Variants in ZPBP2 observed in about 807,000 individuals in gnomAD.
ZPBP2 encodes zona pellucida binding protein 2.
In ZPBP2, 34 loss-of-function variants were observed where a neutral mutation model predicts 37.5. That is an observed-to-expected ratio of 0.91 (90% CI 0.69 to 1.21). ZPBP2 has a LOEUF of 1.21. ZPBP2 is among the 50% of genes most tolerant of loss of function. The pLI, the probability that ZPBP2 is intolerant of heterozygous loss-of-function variation, is 0.00. For synonymous variants in ZPBP2, 143 were observed against 138.4 expected, an observed-to-expected ratio of 1.03 and a Z score of -0.23; for missense variants, 397 against 413.5, an observed-to-expected ratio of 0.96 and a Z score of 0.35.
At chr17:39,870,629 G>A (rs1249282138) in intron 2 of ZPBP2, 65 bp from the exon 3 acceptor site, 1 of 956,846 alleles carries the variant, frequency 1.0e-6, no homozygotes, top group Non-Finnish European at 1.4e-6. Context: ...CAAAATGGTA[G>A]GAGTATATTT....
Position 39,868,283 on chromosome 17 carries a change from A to C in ZPBP2, c.-72A>C. 6.5e-7 allele frequency: 1 copy of C among 1,543,502 alleles called. No homozygotes were observed. The highest frequency in any genetic ancestry group is 8.8e-7 in the Non-Finnish European group (1 of 1,134,642). ...GCTCCGCACTGTGGAGGAGGTGGGG[A>C]GGTGTTGGGCCAGGGCTGAGGTAGG... On this transcript the variant is annotated 5_prime_UTR_variant, in exon 1 of 8. Coordinates refer to ENST00000348931, the MANE Select transcript of ZPBP2 (RefSeq NM_199321.3).
Position 39,876,760 on chromosome 17 carries a change from C to G in ZPBP2, c.968C>G (p.Ala323Gly), listed in dbSNP as rs753710348. The G allele has an allele frequency of 6.2e-7, 1 of 1,613,890 alleles. No homozygotes were observed. ...TGCGTTTCCGTCCTTACCTATGGAG[C>G]TAAATCTTGCCCACAAACTTCAAAC... The part of the protein sequence containing the change: ...QTCVSVLTYG[A>G]KSCPQTSNKN... The change falls in exon 8 of 8, where the codon GCT becomes GGT. Residue 323 changes from alanine (A) to glycine (G), a missense_variant. Transcript: ENST00000348931.
chr17:39,872,251 C>G lies in ZPBP2; in HGVS notation c.407-19C>G. The G allele has an allele frequency of 6.4e-7, 1 of 1,554,366 alleles. No homozygotes were observed. Among genetic ancestry groups the G allele is most frequent in the Non-Finnish European group, 8.7e-7 (1 of 1,152,928 alleles). ...TAGGTACGATTGTTTTCACTCTCAT[C>G]TTTCTTTTTTTTTTAAAGCCTATCG... On this transcript the variant is annotated intron_variant, in intron 4 of 7. Transcript: ENST00000348931.
intron 1 of ZPBP2, 30 bp downstream of exon 1, chr17:39,868,436 C>T: frequency 6.2e-7 from 1 of 1,611,608 alleles, no homozygotes; most frequent in Non-Finnish European, 8.5e-7. Flanking sequence ...GTCCCCAGGC[C>T]TCTCCCTCTG....
chr17:39,875,124 C>T, intron 6 of ZPBP2, 130 bp from the exon 7 acceptor site: 1 of 803,502 alleles, frequency 1.2e-6, no homozygotes, highest in Non-Finnish European at 1.9e-6. Context: ...GGTGTTAACA[C>T]ACACCTTTTC....
intron 7 of ZPBP2, 152 bp from the exon 8 acceptor site, chr17:39,876,530 C>G: frequency 1.3e-6 from 1 of 760,716 alleles, no homozygotes; most frequent in Non-Finnish European, 2.0e-6. Context: ...TCTTCCACAA[C>G]TTAAATGGGC....
chr17:39,870,619 C>T, intron 2 of ZPBP2, 75 bp from the exon 3 acceptor site: 7 of 899,000 alleles, frequency 7.8e-6, no homozygotes, highest in South Asian at 3.9e-5. Context: ...GTCTTCAGCA[C>T]AAAATGGTAG....
intron 2 of ZPBP2, 142 bp downstream of exon 2, chr17:39,868,756 C>A: frequency 1.1e-6 from 1 of 914,218 alleles, no homozygotes; most frequent in Non-Finnish European, 1.7e-6. Context: ...TGGCAGTTCA[C>A]GACGGTCGCA....
At chr17:39,868,766 A>C (rs925369649) in intron 2 of ZPBP2, 152 bp downstream of exon 2, 4 of 825,388 alleles carry the variant, frequency 4.8e-6, no homozygotes, top group Non-Finnish European at 7.7e-6. Context: ...CGACGGTCGC[A>C]TTTTTTCATC....
intron 2 of ZPBP2, among the ~76,000 whole-genome samples, chr17:39,868,922 G>A (rs1257496596): frequency 6.6e-6 from 1 of 152,180 alleles, no homozygotes; most frequent in African/African-American, 2.4e-5. Flanking sequence ...ACGCAAAGGA[G>A]TGATTTCCAA....
intron 5 of ZPBP2, 34 bp from the exon 6 acceptor site, chr17:39,873,010 C>A: frequency 6.3e-7 from 1 of 1,593,124 alleles, no homozygotes; most frequent in Non-Finnish European, 8.6e-7. Context: ...TTTTCAGAAT[C>A]CCTTTGTGAG....
At chr17:39,869,405 C>CCTTCTTTT (rs1555647284) in intron 2 of ZPBP2, among the ~76,000 whole-genome samples, 80 of 115,102 alleles carry the variant, frequency 7.0e-4, no homozygotes, top group Non-Finnish European at 9.0e-4. Context: ...TTCCTTCCTT[C>CCTTCTTTT]TTTTTTTTTT....
chr17:39,873,981 C>CTTTTTTT (rs1037217858), intron 6 of ZPBP2, among the ~76,000 whole-genome samples: 3 of 117,346 alleles, frequency 2.6e-5, no homozygotes, highest in South Asian at 2.7e-4. Flanking sequence ...AAAGAAAAGT[C>CTTTTTTT]TTTTTTTTTT....
intron 4 of ZPBP2, 135 bp from the exon 5 acceptor site, chr17:39,872,135 A>G: frequency 1.6e-6 from 1 of 618,794 alleles, no homozygotes. Context: ...GGACTAACTG[A>G]TAAAACGTTA....
chr17:39,868,576 A>G lies in ZPBP2; in HGVS notation c.80A>G (p.Asn27Ser), dbSNP rs781691967. The change falls in exon 2 of 8, where the codon AAT becomes AGT. Residue 27 changes from asparagine (N) to serine (S), a missense_variant. Transcript: ENST00000348931. Reference sequence around the variant, plus strand: ...CAATGCCCGCGTTTTACCTTATTCAATAAGAAGGGCTTCATTTATGGCAAG... The same window carrying G: ...CAATGCCCGCGTTTTACCTTATTCAGTAAGAAGGGCTTCATTTATGGCAAG... The part of the protein sequence containing the change: ...GVQCPRFTLF[N>S]KKGFIYGKTG... The G allele has an allele frequency of 4.5e-5, 72 of 1,614,078 alleles. No individual in the cohort carries two copies. The highest frequency in any genetic ancestry group is 5.7e-5 in the Non-Finnish European group (67 of 1,179,998).
At position 39,877,286 on chromosome 17, in the gene ZPBP2, A is replaced by G. The variant is rs1197648402; in HGVS notation, c.*477A>G. ...ATTAATATACTGTATTTTTTAAAGT[A>G]TAGGTTTAGGTTTACAGAATAATAG... On this transcript the variant is annotated 3_prime_UTR_variant, in exon 8 of 8. Coordinates refer to ENST00000348931, the MANE Select transcript of ZPBP2 (RefSeq NM_199321.3). 6.5e-6 allele frequency: 1 copy of G among 153,650 alleles called. No homozygotes were observed. The highest frequency in any genetic ancestry group is 1.4e-5 in the Non-Finnish European group (1 of 69,014). 9.5% of individuals were successfully genotyped at this position (153,650 alleles called of 1,614,324 possible).
Position 39,873,981 on chromosome 17 carries a change from C to CTTTTT in ZPBP2, c.708+872_708+876dup, listed in dbSNP as rs1037217858. On this transcript the variant is annotated intron_variant, in intron 6 of 7. Coordinates refer to ENST00000348931, the MANE Select transcript of ZPBP2 (RefSeq NM_199321.3). ...TTTATAATGCTGATTAAAGAAAAGT[C>CTTTTT]TTTTTTTTTTTTTTTTTTTTTGAGA... 2.6e-4 allele frequency among the ~76,000 whole-genome samples: 31 copies of CTTTTT among 117,330 alleles called. No homozygotes were observed. In the East Asian group the frequency reaches 5.3e-3, roughly 20 times the overall value. 77.0% of individuals were successfully genotyped at this position (117,330 alleles called of 152,430 possible). A position where few individuals can be genotyped will look rare whatever the true frequency, so the allele number is the denominator to read the frequency against.
At chr17:39,871,658 TTA>T in intron 4 of ZPBP2, 33 bp downstream of exon 4, 1 of 1,482,126 alleles carries the variant, frequency 6.7e-7, no homozygotes, top group African/African-American at 1.4e-5. Context: ...ACTTATACAT[TTA>T]GTTTGGATCG....
intron 7 of ZPBP2, 55 bp downstream of exon 7, chr17:39,875,489 A>G: frequency 2.3e-6 from 3 of 1,302,734 alleles, no homozygotes; most frequent in South Asian, 3.9e-5. Context: ...AGAAGAATAT[A>G]TAAGTAATTC....
Sources: allele counts gnomAD v4.1 joint callset (sites outside exome capture counted in the v4.1 genomes callset), GRCh38; gene constraint gnomAD v4.1.1; transcripts MANE v1.5; gene names NCBI Gene and HGNC (gene_info 2026-07-23, HGNC 2026-07-21).